The following TMEM170B variants were observed in gnomAD, a reference collection of about 807,000 sequenced individuals.
TMEM170B encodes the protein transmembrane protein 170B.
Under a neutral mutation model 13.0 loss-of-function variants are expected in TMEM170B, and 6 were observed. The ratio of observed to expected loss-of-function variants is 0.46; its 90% confidence interval spans 0.25 to 0.91. TMEM170B has a LOEUF of 0.91. Ranked by LOEUF, TMEM170B falls within the 40% of genes least tolerant of loss-of-function variation. The pLI is 0.17. For missense variants in TMEM170B, 138 were observed against 165.2 expected, an observed-to-expected ratio of 0.84 and a Z score of 0.90; for synonymous variants, 61 against 64.9, an observed-to-expected ratio of 0.94 and a Z score of 0.29.
At chr6:11,552,706 A>G (rs1759541000) in intron 1 of TMEM170B, among the ~76,000 whole-genome samples, 1 of 152,218 alleles carries the variant, frequency 6.6e-6, no homozygotes. Context: ...AAACATGGGT[A>G]ACATATATTC....
In TMEM170B at chr6:11,545,264, T is replaced by TTCTCTCTC. The variant is rs368272768; in HGVS notation, c.97+6900_97+6907dup. Among the ~76,000 whole-genome samples, 130 of 127,912 alleles carry TTCTCTCTC rather than the reference T, an allele frequency of 1.0e-3. 1 individual carries two copies. Among genetic ancestry groups the TTCTCTCTC allele is most frequent in the East Asian group, 7.1e-3 (29 of 4,088 alleles). The allele number at this position is 127,912 out of a possible 152,430, so 83.9% of individuals were successfully genotyped here. A position where few individuals can be genotyped will look rare whatever the true frequency, so the allele number is the denominator to read the frequency against. On this transcript the variant is annotated intron_variant, in intron 1 of 2. Transcript: ENST00000379426. ...CAACCTGGAATGAAGGTTAAAAGGCTTCTCTCTCTCTCTCTCTGTGTGTGT... is the reference window on the plus strand; with the variant it reads ...CAACCTGGAATGAAGGTTAAAAGGCTTCTCTCTCTCTCTCTCTCTCTCTCTGTGTGTGT...
chr6:11,549,553 C>A (rs944544138), intron 1 of TMEM170B, among the ~76,000 whole-genome samples: 22 of 151,842 alleles, frequency 1.4e-4, no homozygotes, highest in Middle Eastern at 3.2e-3. Context: ...GTCCCAGCTA[C>A]TCGGGAGGCT....
At chr6:11,538,536 C>T (rs887866996) in intron 1 of TMEM170B, among the ~76,000 whole-genome samples, 162 bp downstream of exon 1, 4 of 152,118 alleles carry the variant, frequency 2.6e-5, no homozygotes, top group African/African-American at 9.7e-5. Flanking sequence ...CCACTCTGCG[C>T]GTGTCCCGGG....
intron 1 of TMEM170B, among the ~76,000 whole-genome samples, chr6:11,544,891 C>T (rs889191203): frequency 1.1e-4 from 16 of 151,926 alleles, no homozygotes; most frequent in Non-Finnish European, 1.8e-4. Context: ...AAATGAGAGT[C>T]AATATTGTAT....
At position 11,542,787 on chromosome 6, in the gene TMEM170B, T is replaced by C. The variant is rs78792641; in HGVS notation, c.97+4413T>C. On this transcript the variant is annotated intron_variant, in intron 1 of 2. Coordinates refer to ENST00000379426, the MANE Select transcript of TMEM170B (RefSeq NM_001100829.3). ...CTGCCTACAGTGCCATTTACAACTT[T>C]GTCTGCTCAAAAGAGGCGAGTAAAC... 4.8e-3 allele frequency among the ~76,000 whole-genome samples: 738 copies of C among 152,324 alleles called. 9 individuals carry two copies. The highest frequency in any genetic ancestry group is 0.017 in the African/African-American group (696 of 41,568).
In TMEM170B at chr6:11,575,622, G is replaced by C; in HGVS notation, c.*61G>C. 1.3e-6 allele frequency: 2 copies of C among 1,588,250 alleles called. No homozygotes were observed. Among genetic ancestry groups the C allele is most frequent in the Non-Finnish European group, 1.7e-6 (2 of 1,160,550 alleles). The stretch of plus-strand genomic sequence containing the variant: ...ACAGATGTACAGATTCCCTGAAAAC[G>C]GCATTGTTAACAAGTGGAAATGAAA... On this transcript the variant is annotated 3_prime_UTR_variant, in exon 3 of 3. Coordinates refer to ENST00000379426, the MANE Select transcript of TMEM170B (RefSeq NM_001100829.3). This position sits in a 1 kb window ranked among gnomAD's most constrained non-coding sequence, Gnocchi z 4.1.
chr6:11,540,656 T>A (rs1045563171), intron 1 of TMEM170B, among the ~76,000 whole-genome samples: 23 of 152,364 alleles, frequency 1.5e-4, no homozygotes, highest in African/African-American at 5.3e-4. Context: ...AAAGTTGATA[T>A]TTGGACCTCT....
chr6:11,545,568 G>A (rs1759426369), intron 1 of TMEM170B, among the ~76,000 whole-genome samples: 1 of 152,104 alleles, frequency 6.6e-6, no homozygotes, highest in African/African-American at 2.4e-5. Context: ...TTACTCACGT[G>A]TTTATGGTGA....
chr6:11,556,406 T>C (rs778807283), intron 1 of TMEM170B, among the ~76,000 whole-genome samples: 76 of 152,268 alleles, frequency 5.0e-4, no homozygotes, highest in Non-Finnish European at 9.0e-4. Flanking sequence ...CAATGCTCCA[T>C]TGTAGCTTTT....
At chr6:11,564,105 C>T (rs919545138) in intron 1 of TMEM170B, among the ~76,000 whole-genome samples, 4 of 152,114 alleles carry the variant, frequency 2.6e-5, no homozygotes, top group African/African-American at 7.2e-5. Context: ...GTAATTTTTC[C>T]GTTGTATGTG....
chr6:11,569,576 A>T (rs1328914976), intron 2 of TMEM170B, among the ~76,000 whole-genome samples: 1 of 152,182 alleles, frequency 6.6e-6, no homozygotes, highest in Non-Finnish European at 1.5e-5. Flanking sequence ...GCAGCCATAG[A>T]CATATGTAAA....
intron 2 of TMEM170B, among the ~76,000 whole-genome samples, chr6:11,567,514 A>C (rs1759750643): frequency 6.6e-6 from 1 of 152,200 alleles, no homozygotes; most frequent in African/African-American, 2.4e-5. Flanking sequence ...TTGAGAGGAA[A>C]GCCCTACTCC....
At chr6:11,540,578 C>T (rs1343337943) in intron 1 of TMEM170B, among the ~76,000 whole-genome samples, 1 of 152,208 alleles carries the variant, frequency 6.6e-6, no homozygotes, top group African/African-American at 2.4e-5. Flanking sequence ...GTTACTTCCT[C>T]CACTAAAGTG....
chr6:11,549,928 A>G (rs1232933148), intron 1 of TMEM170B, among the ~76,000 whole-genome samples: 2 of 152,174 alleles, frequency 1.3e-5, no homozygotes, highest in South Asian at 2.1e-4. Flanking sequence ...ATCAATTAAC[A>G]TTAGCTTATT....
intron 1 of TMEM170B, among the ~76,000 whole-genome samples, chr6:11,560,838 T>A (rs1220569356): frequency 6.6e-6 from 1 of 152,210 alleles, no homozygotes; most frequent in Non-Finnish European, 1.5e-5. Flanking sequence ...TTGTTTTTAC[T>A]CAGTATTTTT....
Position 11,538,341 on chromosome 6 carries a change from T to A in TMEM170B, c.64T>A (p.Trp22Arg). The A allele has an allele frequency of 6.6e-7, 1 of 1,509,330 alleles. No individual in the cohort carries two copies. The highest frequency in any genetic ancestry group is 1.3e-5 in the South Asian group (1 of 76,634). 93.5% of individuals were successfully genotyped at this position (1,509,330 alleles called of 1,614,324 possible). A position where few individuals can be genotyped will look rare whatever the true frequency, so the allele number is the denominator to read the frequency against. Reference sequence around the variant, plus strand: ...GTCGGTGCAGCAGGTCCTGAGCCTCTGGGCCCACGGGACGGTGCTGAGGAA... The same window carrying A: ...GTCGGTGCAGCAGGTCCTGAGCCTCAGGGCCCACGGGACGGTGCTGAGGAA... ...NLSVQQVLSL[W>R]AHGTVLRNLT... is the part of the protein sequence containing the mutation. The change falls in exon 1 of 3, where the codon TGG becomes AGG. Residue 22 changes from tryptophan to arginine, a missense_variant. Trp to Arg is a moderately radical substitution (Grantham distance 101, BLOSUM62 -3). Transcript: ENST00000379426.
intron 2 of TMEM170B, among the ~76,000 whole-genome samples, chr6:11,567,227 T>C (rs981028632): frequency 6.6e-6 from 1 of 152,170 alleles, no homozygotes; most frequent in African/African-American, 2.4e-5. Flanking sequence ...ATCTACTTGC[T>C]TAGTGTGGTT....
chr6:11,569,308 C>G (rs1187246055), intron 2 of TMEM170B, among the ~76,000 whole-genome samples: 2 of 152,068 alleles, frequency 1.3e-5, no homozygotes, highest in African/African-American at 4.8e-5. Flanking sequence ...TCGACATGAT[C>G]AACTGAAAGG....
intron 1 of TMEM170B, among the ~76,000 whole-genome samples, chr6:11,558,084 G>A (rs551585232): frequency 6.6e-6 from 1 of 152,098 alleles, no homozygotes; most frequent in Non-Finnish European, 1.5e-5. Flanking sequence ...CAATCTCTTT[G>A]TACTCTTGAA....
Sources: allele counts gnomAD v4.1 joint callset (sites outside exome capture counted in the v4.1 genomes callset), GRCh38; gene constraint gnomAD v4.1.1; non-coding constraint Gnocchi (gnomAD v3.1); transcripts MANE v1.5; gene names NCBI Gene and HGNC (gene_info 2026-07-23, HGNC 2026-07-21).